The following SEMA5A variants were observed in gnomAD, a reference collection of about 807,000 sequenced individuals.
SEMA5A encodes semaphorin-5A.
A neutral mutation model predicts 135.5 loss-of-function variants in SEMA5A; 55 were observed. The ratio of observed to expected loss-of-function variants is 0.41; its 90% CI spans 0.33 to 0.51. SEMA5A has a LOEUF of 0.51. SEMA5A is among the 20% of genes least tolerant of loss of function. The pLI, the probability that SEMA5A is intolerant of heterozygous loss-of-function variation, is 0.37. For missense variants in SEMA5A, 1,290 were observed against 1,419.9 expected (o/e 0.91, Z 1.47); for synonymous variants, 580 against 546.5 (o/e 1.06, Z -0.85).
At chr5:9,308,433 G>T (rs1325993594) in intron 5 of SEMA5A, among the ~76,000 whole-genome samples, 1 of 152,110 alleles carries the variant, frequency 6.6e-6, no homozygotes, top group Non-Finnish European at 1.5e-5. Context: ...CTGCATCTGG[G>T]ATCGGGTTGA....
At chr5:9,257,849 G>GAT (rs1749162629) in intron 5 of SEMA5A, among the ~76,000 whole-genome samples, 1 of 152,126 alleles carries the variant, frequency 6.6e-6, no homozygotes, top group African/African-American at 2.4e-5. Flanking sequence ...ACACAGGGGT[G>GAT]TGCAGGGCAA....
intron 5 of SEMA5A, among the ~76,000 whole-genome samples, chr5:9,270,657 G>C (rs1478827324): frequency 6.6e-6 from 1 of 151,736 alleles, no homozygotes; most frequent in African/African-American, 2.4e-5. Flanking sequence ...AATATACCTA[G>C]AAAGCAGCAG....
chr5:9,525,247 C>T (rs192451812), intron 1 of SEMA5A, among the ~76,000 whole-genome samples: 17 of 152,292 alleles, frequency 1.1e-4, no homozygotes, highest in Non-Finnish European at 2.5e-4. Flanking sequence ...ATGACAGAGA[C>T]CATATAACCC....
intron 1 of SEMA5A, among the ~76,000 whole-genome samples, chr5:9,443,581 C>T (rs1302486692): frequency 6.6e-6 from 1 of 152,196 alleles, no homozygotes; most frequent in Non-Finnish European, 1.5e-5. Flanking sequence ...AAAATGGTTA[C>T]TCTAGTGAAG....
chr5:9,478,595 C>A (rs1202344911), intron 1 of SEMA5A, among the ~76,000 whole-genome samples: 1 of 152,196 alleles, frequency 6.6e-6, no homozygotes, highest in African/African-American at 2.4e-5. Context: ...GATTTAATGG[C>A]TTTCCTTCTC....
rs759267004 is a variant in SEMA5A, at chr5:9,044,589, G to A, written c.2894-5C>T. On this transcript the variant is annotated splice_polypyrimidine_tract_variant and splice_region_variant and intron_variant, in intron 21 of 22. Transcript: ENST00000382496. ...TCATGTGGAACATGTTGAACTCTAG[G>A]GAGACATGAGCAAAGTGATGCCACA... is the stretch of plus-strand genomic sequence containing the variant. 6.2e-7 allele frequency: 1 copy of A among 1,613,002 alleles called. No homozygotes were observed. Among genetic ancestry groups the A allele is most frequent in the South Asian group, 1.1e-5 (1 of 91,022 alleles).
At chr5:9,456,329 A>ACAAGC (rs1758834020) in intron 1 of SEMA5A, among the ~76,000 whole-genome samples, 1 of 152,224 alleles carries the variant, frequency 6.6e-6, no homozygotes. Flanking sequence ...TTCTGTAAAG[A>ACAAGC]CAAGCGTCTG....
At chr5:9,175,340 G>A (rs1744145582) in intron 11 of SEMA5A, among the ~76,000 whole-genome samples, 1 of 152,066 alleles carries the variant, frequency 6.6e-6, no homozygotes, top group Non-Finnish European at 1.5e-5. Flanking sequence ...CTGTATTTCT[G>A]CCTCCAGTTA....
In SEMA5A at chr5:9,038,176, T is replaced by A. The variant is rs1445107012; in HGVS notation, c.*4721A>T. ...CCAAGGCCATCTGTAAACTCCAGTT[T>A]GTACCATATCATAAGTGGTGAAGAA... On this transcript the variant is annotated 3_prime_UTR_variant, in exon 23 of 23. Coordinates refer to ENST00000382496, the MANE Select transcript of SEMA5A (RefSeq NM_003966.3). 6.6e-6 allele frequency: 1 copy of A among 152,260 alleles called. No individual in the cohort carries two copies. Among genetic ancestry groups the A allele is most frequent in the Non-Finnish European group, 1.5e-5 (1 of 68,046 alleles). 9.4% of individuals were successfully genotyped at this position (152,260 alleles called of 1,614,324 possible). A position where few individuals can be genotyped will look rare whatever the true frequency, so the allele number is the denominator to read the frequency against.
intron 13 of SEMA5A, among the ~76,000 whole-genome samples, chr5:9,129,303 T>A (rs553633983): frequency 6.6e-6 from 1 of 152,336 alleles, no homozygotes; most frequent in African/African-American, 2.4e-5. Flanking sequence ...TCTGGCAGGG[T>A]AAGAATGTGA....
At chr5:9,169,435 C>T (rs189572871) in intron 11 of SEMA5A, among the ~76,000 whole-genome samples, 2 of 152,170 alleles carry the variant, frequency 1.3e-5, no homozygotes, top group Non-Finnish European at 1.5e-5. Context: ...ATGAGTTTGG[C>T]TTTGTTCAGA....
At chr5:9,304,648 C>T (rs1327230321) in intron 5 of SEMA5A, among the ~76,000 whole-genome samples, 1 of 152,094 alleles carries the variant, frequency 6.6e-6, no homozygotes, top group Admixed American at 6.5e-5. Context: ...ACTGCTGTTT[C>T]TTGATATTTT....
intron 5 of SEMA5A, among the ~76,000 whole-genome samples, chr5:9,294,443 C>G (rs562816772): frequency 6.6e-6 from 1 of 152,296 alleles, no homozygotes; most frequent in Admixed American, 6.5e-5. Context: ...GATGCTAAAA[C>G]CCTGTTCCTT....
intron 1 of SEMA5A, among the ~76,000 whole-genome samples, chr5:9,518,814 G>A (rs1736663574): frequency 6.6e-6 from 1 of 152,108 alleles, no homozygotes; most frequent in Non-Finnish European, 1.5e-5. Flanking sequence ...CAAAACAGAA[G>A]AGAGTAAAGA....
chr5:9,320,050 A>C (rs536668021), intron 4 of SEMA5A, among the ~76,000 whole-genome samples: 1 of 152,296 alleles, frequency 6.6e-6, no homozygotes, highest in Admixed American at 6.5e-5. Flanking sequence ...ACATTCAGGT[A>C]GTCTCATGAG....
At chr5:9,195,354 T>C (rs1029470804) in intron 10 of SEMA5A, among the ~76,000 whole-genome samples, 2 of 152,128 alleles carry the variant, frequency 1.3e-5, no homozygotes, top group South Asian at 2.1e-4. Context: ...ATTATTTTTG[T>C]AGAGACAGGG....
At chr5:9,280,843 A>G (rs944832424) in intron 5 of SEMA5A, 1 of 424,774 alleles carries the variant, frequency 2.4e-6, no homozygotes, top group Non-Finnish European at 4.7e-6. Flanking sequence ...AATAAAATGT[A>G]ACGTTTTAGC....
At chr5:9,172,790 C>A (rs1381388135) in intron 11 of SEMA5A, among the ~76,000 whole-genome samples, 1 of 152,164 alleles carries the variant, frequency 6.6e-6, no homozygotes, top group African/African-American at 2.4e-5. Context: ...AGAAAGAAAT[C>A]TTCAGTTTCT....
At chr5:9,472,862 C>T (rs1179841907) in intron 1 of SEMA5A, among the ~76,000 whole-genome samples, 1 of 150,462 alleles carries the variant, frequency 6.6e-6, no homozygotes, top group Non-Finnish European at 1.5e-5. Context: ...ATATAAAATA[C>T]ATATACTTAT....
Sources: gnomAD v4.1 joint callset for allele counts (sites outside exome capture counted in the v4.1 genomes callset) on GRCh38, gnomAD v4.1.1 for gene constraint, MANE v1.5 for transcripts, NCBI Gene and HGNC (gene_info 2026-07-23, HGNC 2026-07-21) for gene names.